Variants in PPP2R3A observed in about 807,000 individuals in gnomAD.
The protein encoded by PPP2R3A is serine/threonine-protein phosphatase 2A regulatory subunit B'' subunit alpha.
In PPP2R3A, 80 loss-of-function variants were observed where a neutral mutation model predicts 106.9. The observed-to-expected ratio is 0.75, with a 90% CI of 0.62 to 0.90. The LOEUF is 0.90. Ranked by LOEUF, PPP2R3A falls within the 40% of genes least tolerant of loss-of-function variation. The pLI is 0.00. For synonymous variants in PPP2R3A, 483 were observed against 468.3 expected (o/e 1.03, Z -0.41); for missense variants, 1,386 against 1,350.4 (o/e 1.03, Z -0.41).
chr3:135,978,311 C>T (rs189571304), intron 1 of PPP2R3A, among the ~76,000 whole-genome samples: 4 of 151,470 alleles, frequency 2.6e-5, no homozygotes, highest in African/African-American at 7.4e-5. Flanking sequence ...TAAAGGTACT[C>T]TGTTGAATCT....
intron 1 of PPP2R3A, among the ~76,000 whole-genome samples, chr3:135,999,488 A>G (rs533569970): frequency 1.3e-5 from 2 of 152,322 alleles, no homozygotes; most frequent in Admixed American, 6.5e-5. Flanking sequence ...GGTCTGAATA[A>G]AAAGGCAGAA....
intron 5 of PPP2R3A, among the ~76,000 whole-genome samples, chr3:136,056,981 G>A (rs1346636905): frequency 1.3e-5 from 2 of 151,974 alleles, no homozygotes; most frequent in Admixed American, 6.6e-5. Context: ...AAGCCATAAA[G>A]TGATATCATT....
intron 4 of PPP2R3A, among the ~76,000 whole-genome samples, 196 bp downstream of exon 4, chr3:136,041,158 T>C (rs1013049069): frequency 1.3e-5 from 2 of 151,652 alleles, no homozygotes; most frequent in African/African-American, 4.8e-5. Context: ...CTAACCTCTT[T>C]AAAAAACAGT....
rs562349071 is a variant in PPP2R3A at position 136,013,531 on chromosome 3, T to A, written c.1995+10038T>A. ...CAATATCTACTATTTTTTGATTTTT[T>A]AAATTATGGCCATTCTTGCAGGAGT... On this transcript the variant is annotated intron_variant, in intron 2 of 13. Transcript: ENST00000264977. Among the ~76,000 whole-genome samples the A allele has an allele frequency of 1.3e-4, 20 of 152,284 alleles. No homozygotes were observed. The East Asian group carries it at 3.7e-3, about 28-fold the overall frequency.
chr3:135,999,247 A>T (rs1357276634), intron 1 of PPP2R3A, among the ~76,000 whole-genome samples: 1 of 152,214 alleles, frequency 6.6e-6, no homozygotes, highest in Non-Finnish European at 1.5e-5. Context: ...AATCTTCATG[A>T]GATGGGTATT....
At chr3:136,076,701 C>T (rs1250507403) in intron 6 of PPP2R3A, among the ~76,000 whole-genome samples, 1 of 152,160 alleles carries the variant, frequency 6.6e-6, no homozygotes, top group Admixed American at 6.5e-5. Flanking sequence ...GTAATCCCAG[C>T]ACTTTGGGAG....
At chr3:136,088,068 A>C (rs1937001883) in intron 9 of PPP2R3A, 137 bp downstream of exon 9, 2 of 641,936 alleles carry the variant, frequency 3.1e-6, no homozygotes, top group African/African-American at 1.8e-5. Context: ...GTTATGGCTT[A>C]ATACAAGACA....
rs528951338 is a variant in PPP2R3A at position 136,059,290 on chromosome 3, GAAAA to G, written c.2469+9935_2469+9938del. ...TATAAGGAACTTAAATAATTTACAAGAAAAAAAAACATAAAAAAGTGAGCAAAAT... is the reference window on the plus strand; with the variant it reads ...TATAAGGAACTTAAATAATTTACAAGAAAAACATAAAAAAGTGAGCAAAAT... On this transcript the variant is annotated intron_variant, in intron 5 of 13. Coordinates refer to ENST00000264977, the MANE Select transcript of PPP2R3A (RefSeq NM_002718.5). Among the ~76,000 whole-genome samples, 9 of 148,782 alleles carry G rather than the reference GAAAA, an allele frequency of 6.0e-5. No homozygotes were observed. The South Asian group carries it at 1.9e-3, about 32-fold the overall frequency.
At position 136,087,853 on chromosome 3, in the gene PPP2R3A, C is replaced by G. The variant is rs200432664; in HGVS notation, c.2789-30C>G. On this transcript the variant is annotated intron_variant, in intron 8 of 13. Coordinates refer to ENST00000264977, the MANE Select transcript of PPP2R3A (RefSeq NM_002718.5). ...CTTTATGGAGCATGTTTCTAACTAG[C>G]TTTGCAATTTTTTTTTTATCTACAT... The G allele has an allele frequency of 4.4e-5, 69 of 1,579,166 alleles. 1 individual carries two copies. In the Admixed American group the frequency reaches 6.1e-4, roughly 14 times the overall value.
intron 1 of PPP2R3A, among the ~76,000 whole-genome samples, chr3:135,970,751 G>A (rs1439232189): frequency 3.3e-5 from 5 of 152,156 alleles, no homozygotes; most frequent in African/African-American, 1.2e-4. Context: ...CTACAATGTA[G>A]GTGTTAGTCT....
At chr3:136,015,558 C>T (rs974564572) in intron 2 of PPP2R3A, among the ~76,000 whole-genome samples, 1 of 151,838 alleles carries the variant, frequency 6.6e-6, no homozygotes, top group Non-Finnish European at 1.5e-5. Flanking sequence ...TGTATATTTC[C>T]AGGAATTTAT....
At chr3:136,027,820 T>A (rs749674469) in intron 3 of PPP2R3A, among the ~76,000 whole-genome samples, 2 of 152,158 alleles carry the variant, frequency 1.3e-5, no homozygotes, top group Non-Finnish European at 2.9e-5. Context: ...TAGCAGTAGT[T>A]TAGGCTGTGC....
At chr3:136,026,255 C>T (rs1165217039) in intron 2 of PPP2R3A, among the ~76,000 whole-genome samples, 3 of 152,040 alleles carry the variant, frequency 2.0e-5, no homozygotes, top group African/African-American at 7.3e-5. Flanking sequence ...AATAAATCAG[C>T]CAGGTAGGGG....
At chr3:135,981,935 C>T (rs535728483) in intron 1 of PPP2R3A, among the ~76,000 whole-genome samples, 118 of 151,714 alleles carry the variant, frequency 7.8e-4, no homozygotes, top group South Asian at 1.7e-3. Flanking sequence ...AACAGGAAAG[C>T]AATTCACTCT....
chr3:136,054,862 G>A (rs1935809397), intron 5 of PPP2R3A, among the ~76,000 whole-genome samples: 2 of 152,114 alleles, frequency 1.3e-5, no homozygotes, highest in Admixed American at 1.3e-4. Context: ...TTTCCTGTTT[G>A]CAAAGAAATG....
At chr3:136,044,660 A>G (rs560997646) in intron 4 of PPP2R3A, among the ~76,000 whole-genome samples, 1 of 152,214 alleles carries the variant, frequency 6.6e-6, no homozygotes, top group Admixed American at 6.5e-5. Flanking sequence ...ACCAAGAGAA[A>G]CCAAAATATT....
At chr3:136,137,837 G>A (rs976669432) in intron 13 of PPP2R3A, among the ~76,000 whole-genome samples, 2 of 151,196 alleles carry the variant, frequency 1.3e-5, no homozygotes, top group Non-Finnish European at 3.0e-5. Context: ...CACCGCGCCC[G>A]GCCTCTGTCA....
intron 5 of PPP2R3A, among the ~76,000 whole-genome samples, chr3:136,062,823 A>G (rs1209455529): frequency 6.6e-6 from 1 of 152,168 alleles, no homozygotes; most frequent in Non-Finnish European, 1.5e-5. Flanking sequence ...AAGAATCAAT[A>G]TCATGAAAAT....
intron 5 of PPP2R3A, among the ~76,000 whole-genome samples, chr3:136,056,196 G>T (rs1935854689): frequency 6.6e-6 from 1 of 152,120 alleles, no homozygotes. Flanking sequence ...CAAAAGTAAG[G>T]AAAGTCTAAG....
Sources: allele counts gnomAD v4.1 joint callset (sites outside exome capture counted in the v4.1 genomes callset), GRCh38; gene constraint gnomAD v4.1.1; transcripts MANE v1.5; gene names NCBI Gene and HGNC (gene_info 2026-07-23, HGNC 2026-07-21).